The following DHDDS variants were observed in gnomAD, a reference collection of about 807,000 sequenced individuals.
DHDDS encodes dehydrodolichyl diphosphate synthase subunit, also known as dehydrodolichyl diphosphate synthase complex subunit DHDDS.
A neutral mutation model predicts 46.2 loss-of-function variants in DHDDS; 16 were observed. That is an observed-to-expected ratio of 0.35 (90% CI 0.23 to 0.53). The LOEUF is 0.53. DHDDS is among the 20% of genes least tolerant of loss of function. The pLI is 0.94. For missense variants in DHDDS, 340 were observed against 423.7 expected (o/e 0.80, Z 1.73); for synonymous variants, 151 against 163.1 (o/e 0.93, Z 0.56).
In DHDDS at chr1:26,445,922, C is replaced by T. The variant is rs145786725; in HGVS notation, c.324-394C>T. On this transcript the variant is annotated intron_variant, in intron 4 of 8. Coordinates refer to ENST00000236342, the MANE Select transcript of DHDDS (RefSeq NM_205861.3). ...CCTGTAATCCCAGCTACTTGGGAGG[C>T]TGCGGTGGGAGGATCGCTTAAACCC... Among the ~76,000 whole-genome samples the T allele has an allele frequency of 7.9e-5, 12 of 151,524 alleles. No homozygotes were observed. In the East Asian group the frequency reaches 2.4e-3, roughly 30 times the overall value.
At chr1:26,447,885 T>C (rs2075285104) in intron 6 of DHDDS, 2 of 612,954 alleles carry the variant, frequency 3.3e-6, no homozygotes. Flanking sequence ...CTCTGTGCCA[T>C]GTACTTGGCC....
intron 6 of DHDDS, 69 bp from the exon 7 acceptor site, chr1:26,457,722 A>C: frequency 8.1e-7 from 1 of 1,235,838 alleles, no homozygotes; most frequent in Non-Finnish European, 1.2e-6. Context: ...GAAGTTCACC[A>C]TGAGAACACT....
chr1:26,465,226 CAT>C (rs1247539890), intron 8 of DHDDS, among the ~76,000 whole-genome samples: 1 of 152,206 alleles, frequency 6.6e-6, no homozygotes, highest in East Asian at 1.9e-4. Context: ...GGAAAAGACA[CAT>C]GTTCCCACGA....
chr1:26,452,220 C>G (rs1255577082), intron 6 of DHDDS, among the ~76,000 whole-genome samples: 1 of 151,416 alleles, frequency 6.6e-6, no homozygotes, highest in East Asian at 2.0e-4. Flanking sequence ...AATTTTTTGA[C>G]TTTGTAGAGA....
At position 26,438,320 on chromosome 1, in the gene DHDDS, T is replaced by C. The variant is rs369463969; in HGVS notation, c.180+36T>C. The stretch of plus-strand genomic sequence containing the variant: ...ATGGCAGAGCCCAAAGTGAACAGTC[T>C]GTGGAGAGGTAGATTATAGCTAGAA... On this transcript the variant is annotated intron_variant, in intron 3 of 8. Transcript: ENST00000236342. 1.1e-5 allele frequency: 17 copies of C among 1,577,980 alleles called. No homozygotes were observed. The African/African-American group carries it at 2.3e-4, about 21-fold the overall frequency.
At position 26,432,326 on chromosome 1, in the gene DHDDS, G is replaced by A. The variant is rs1428688632; in HGVS notation, c.-106G>A. The A allele has an allele frequency of 6.5e-6, 1 of 153,322 alleles. No homozygotes were observed. Among genetic ancestry groups the A allele is most frequent in the Non-Finnish European group, 1.5e-5 (1 of 68,708 alleles). The allele number at this position is 153,322 out of a possible 1,614,324, so 9.5% of individuals were successfully genotyped here. ...TGTTCTGCCAGCGCCACGTCATGAG[G>A]AAGTGCCGGCCCACTGAAGCCGTGG... On this transcript the variant is annotated 5_prime_UTR_variant, in exon 1 of 9. Coordinates refer to ENST00000236342, the MANE Select transcript of DHDDS (RefSeq NM_205861.3).
At chr1:26,432,492 A>G in intron 1 of DHDDS, 116 bp downstream of exon 1, 1 of 208,788 alleles carries the variant, frequency 4.8e-6, no homozygotes, top group South Asian at 6.6e-5. Flanking sequence ...TGAGGCGTGA[A>G]GTACTAGGCG....
At chr1:26,458,220 T>G (rs1228339049) in intron 7 of DHDDS, among the ~76,000 whole-genome samples, 1 of 152,228 alleles carries the variant, frequency 6.6e-6, no homozygotes, top group Non-Finnish European at 1.5e-5. Flanking sequence ...CTAGCCCCTC[T>G]GGGTTGGAAG....
chr1:26,451,912 A>AT (rs1430694297), intron 6 of DHDDS, among the ~76,000 whole-genome samples: 1 of 151,670 alleles, frequency 6.6e-6, no homozygotes, highest in Non-Finnish European at 1.5e-5. Flanking sequence ...ACACCCGGCT[A>AT]TTTTTTGTAT....
At chr1:26,434,137 A>G (rs897013680) in intron 2 of DHDDS, among the ~76,000 whole-genome samples, 1 of 152,198 alleles carries the variant, frequency 6.6e-6, no homozygotes, top group Non-Finnish European at 1.5e-5. Flanking sequence ...CATAATGTCT[A>G]GCAGTTCTTA....
chr1:26,435,920 T>C (rs1001666923), intron 2 of DHDDS, among the ~76,000 whole-genome samples: 2 of 152,040 alleles, frequency 1.3e-5, no homozygotes, highest in African/African-American at 4.8e-5. Context: ...GCCCTAATTT[T>C]CACATTTTTA....
At chr1:26,440,223 C>T (rs2075204791) in intron 3 of DHDDS, among the ~76,000 whole-genome samples, 1 of 152,166 alleles carries the variant, frequency 6.6e-6, no homozygotes, top group Non-Finnish European at 1.5e-5. Context: ...CAGTTTGATG[C>T]CAGGGCCGTG....
rs948845114 is a variant in DHDDS, at chr1:26,436,624, C to A, written c.64-1544C>A. On this transcript the variant is annotated intron_variant, in intron 2 of 8. Transcript: ENST00000236342. Reference sequence around the variant, plus strand: ...ATTTTTAGTAGAGACGGGGTTTCACCGTGTTAGCCAGGATGGGCTCGATCT... The same window carrying A: ...ATTTTTAGTAGAGACGGGGTTTCACAGTGTTAGCCAGGATGGGCTCGATCT... 4.6e-5 allele frequency among the ~76,000 whole-genome samples: 7 copies of A among 151,754 alleles called. No homozygotes were observed. In the East Asian group the frequency reaches 1.4e-3, roughly 30 times the overall value.
intron 6 of DHDDS, chr1:26,454,555 G>A (rs1443849307): frequency 3.1e-6 from 2 of 639,876 alleles, no homozygotes; most frequent in Non-Finnish European, 5.4e-6. Flanking sequence ...TGACCCTCAT[G>A]ATAACCTATA....
chr1:26,464,085 C>T (rs1220254359), intron 8 of DHDDS, among the ~76,000 whole-genome samples: 3 of 150,152 alleles, frequency 2.0e-5, no homozygotes, highest in South Asian at 4.2e-4. Context: ...CTCTGCCTCC[C>T]GGATTCAAGC....
At chr1:26,466,086 T>C (rs550192156) in intron 8 of DHDDS, 1 of 152,238 alleles carries the variant, frequency 6.6e-6, no homozygotes, top group South Asian at 2.1e-4. Flanking sequence ...CCAGGAGGAA[T>C]TTAGATTCAT....
intron 7 of DHDDS, among the ~76,000 whole-genome samples, chr1:26,458,766 T>G (rs899928808): frequency 7.6e-6 from 1 of 131,362 alleles, no homozygotes; most frequent in Non-Finnish European, 1.7e-5. Context: ...AGAAAAGAAA[T>G]AAGTACAATG....
Position 26,470,874 on chromosome 1 carries a change from C to G in DHDDS, c.*1743C>G, listed in dbSNP as rs1278557596. 1 of 152,758 alleles carries G rather than the reference C, an allele frequency of 6.5e-6. No individual in the cohort carries two copies. The highest frequency in any genetic ancestry group is 1.5e-5 in the Non-Finnish European group (1 of 68,140). 9.5% of individuals were successfully genotyped at this position (152,758 alleles called of 1,614,324 possible). ...GGCGGGAATGAGGGGCTGGAGGCAG[C>G]AAACGGAATCTGCCCTATGAGCGTG... On this transcript the variant is annotated 3_prime_UTR_variant, in exon 9 of 9. Coordinates refer to ENST00000236342, the MANE Select transcript of DHDDS (RefSeq NM_205861.3).
At chr1:26,446,485 T>TG in intron 5 of DHDDS, 53 bp downstream of exon 5, 2 of 1,557,582 alleles carry the variant, frequency 1.3e-6, no homozygotes, top group Non-Finnish European at 1.8e-6. Flanking sequence ...GATTCCCTGC[T>TG]GGCTTTAGGG....
Sources: allele counts gnomAD v4.1 joint callset (sites outside exome capture counted in the v4.1 genomes callset), GRCh38; gene constraint gnomAD v4.1.1; transcripts MANE v1.5; gene names NCBI Gene and HGNC (gene_info 2026-07-23, HGNC 2026-07-21).